KCNQ5: variants seen among roughly 807,000 people sequenced by gnomAD.
KCNQ5 encodes the protein potassium voltage-gated channel subfamily Q member 5.
In KCNQ5, 30 loss-of-function variants were observed where a neutral mutation model predicts 98.2. The observed-to-expected ratio is 0.31, with a 90% CI of 0.23 to 0.41. KCNQ5 has a LOEUF of 0.41. KCNQ5 is among the 10% of genes least tolerant of loss of function. KCNQ5 has a pLI of 1.00. For synonymous variants in KCNQ5, 458 were observed against 449.4 expected, an observed-to-expected ratio of 1.02 and a Z score of -0.24; for missense variants, 835 against 1,182.5, an observed-to-expected ratio of 0.71 and a Z score of 4.31.
intron 1 of KCNQ5, among the ~76,000 whole-genome samples, chr6:72,749,238 T>C (rs143480304): frequency 9.7e-4 from 147 of 152,270 alleles, no homozygotes; most frequent in African/African-American, 3.3e-3. Flanking sequence ...GATATTTAGA[T>C]TGAGATTCTG....
intron 1 of KCNQ5, among the ~76,000 whole-genome samples, chr6:72,996,621 G>A (rs957794615): frequency 4.6e-5 from 7 of 152,210 alleles, no homozygotes; most frequent in African/African-American, 1.4e-4. Context: ...GCATATACTT[G>A]AGACAGTCTT....
chr6:72,748,481 T>C (rs1163088675), intron 1 of KCNQ5, among the ~76,000 whole-genome samples: 1 of 152,124 alleles, frequency 6.6e-6, no homozygotes, highest in African/African-American at 2.4e-5. Context: ...CTCAAGTGAT[T>C]TGAATATACA....
chr6:73,097,142 C>CATATATATATATATATACATATAT (rs1554208514), intron 5 of KCNQ5, among the ~76,000 whole-genome samples: 3 of 121,858 alleles, frequency 2.5e-5, no homozygotes, highest in Non-Finnish European at 5.3e-5. Context: ...CAATAGATCT[C>CATATATATATATATATACATATAT]ATATATATAT....
intron 1 of KCNQ5, among the ~76,000 whole-genome samples, chr6:72,851,744 TTAAGAAATTACCTATACTTATTAATAAA>T (rs1213123198): frequency 6.6e-6 from 1 of 152,008 alleles, no homozygotes; most frequent in Non-Finnish European, 1.5e-5. Flanking sequence ...AATTAATACT[TTAAGAAATTACCTATACTTATTAATAAA>T]GTTAAGAATA....
chr6:73,154,893 A>T (rs552001785), intron 10 of KCNQ5, among the ~76,000 whole-genome samples: 1 of 151,658 alleles, frequency 6.6e-6, no homozygotes, highest in African/African-American at 2.4e-5. Flanking sequence ...TCACAAAAAC[A>T]AAACAAAAAA....
In KCNQ5 at chr6:72,801,063, G is replaced by A. The variant is rs1166676413; in HGVS notation, c.398+178476G>A. Among the ~76,000 whole-genome samples, 7 of 152,030 alleles carry A rather than the reference G, an allele frequency of 4.6e-5. No individual in the cohort carries two copies. In the East Asian group the frequency reaches 1.3e-3, roughly 29 times the overall value. ...ACTTCCAACTATGTGGTCAATTTTG[G>A]GATAGGTGTGGTGTGGTGCTGAAAA... On this transcript the variant is annotated intron_variant, in intron 1 of 13. Transcript: ENST00000370398.
chr6:73,172,226 C>T (rs1459767190), intron 11 of KCNQ5, among the ~76,000 whole-genome samples: 7 of 152,014 alleles, frequency 4.6e-5, no homozygotes, highest in African/African-American at 9.7e-5. Flanking sequence ...CTGATTCTGC[C>T]TAGTGGTTTT....
chr6:73,134,428 A>G (rs918140048), intron 10 of KCNQ5: 5 of 153,248 alleles, frequency 3.3e-5, no homozygotes, highest in African/African-American at 9.6e-5. Context: ...TAAAAACTAC[A>G]AAGGCTATCA....
Position 72,622,608 on chromosome 6 carries a change from C to T in KCNQ5, c.398+21C>T, listed in dbSNP as rs745772532. On this transcript the variant is annotated intron_variant, in intron 1 of 13. Transcript: ENST00000370398. The surrounding 1 kb of genome is among the most constrained non-coding windows in gnomAD (Gnocchi z 6.0). ...TTCGTGTGAGTACCCGCGCCCCCTG[C>T]TATGCCCGCTGCAGGGGACCACTGT... 6.2e-7 allele frequency: 1 copy of T among 1,610,806 alleles called. No individual in the cohort carries two copies. Among genetic ancestry groups the T allele is most frequent in the East Asian group, 2.2e-5 (1 of 44,664 alleles).
At chr6:72,919,524 A>T (rs1780299893) in intron 1 of KCNQ5, among the ~76,000 whole-genome samples, 1 of 152,204 alleles carries the variant, frequency 6.6e-6, no homozygotes, top group South Asian at 2.1e-4. Flanking sequence ...TATTTTTCAG[A>T]TGAGGAAACA....
intron 3 of KCNQ5, among the ~76,000 whole-genome samples, chr6:73,068,788 T>C (rs1215763549): frequency 6.6e-6 from 1 of 152,182 alleles, no homozygotes; most frequent in Non-Finnish European, 1.5e-5. Flanking sequence ...GTGTTAGGTA[T>C]GAGCTGGGAG....
At chr6:73,084,216 G>A (rs1582322657) in intron 5 of KCNQ5, among the ~76,000 whole-genome samples, 2 of 152,134 alleles carry the variant, frequency 1.3e-5, no homozygotes, top group Admixed American at 1.3e-4. Flanking sequence ...CAAAGGGGGC[G>A]GGATGTGATG....
chr6:72,722,603 A>T (rs1770027846), intron 1 of KCNQ5, among the ~76,000 whole-genome samples: 1 of 152,172 alleles, frequency 6.6e-6, no homozygotes, highest in Admixed American at 6.5e-5. Flanking sequence ...GTGAACTGAC[A>T]TGGTGGCTGA....
At chr6:72,635,349 T>A (rs2098923428) in intron 1 of KCNQ5, among the ~76,000 whole-genome samples, 1 of 152,322 alleles carries the variant, frequency 6.6e-6, no homozygotes, top group East Asian at 1.9e-4. Context: ...AATTTCTTAA[T>A]GTAATTTCCT....
At chr6:72,846,912 T>C (rs1777045985) in intron 1 of KCNQ5, among the ~76,000 whole-genome samples, 1 of 152,220 alleles carries the variant, frequency 6.6e-6, no homozygotes, top group Admixed American at 6.5e-5. Context: ...ATGAGGATCC[T>C]ATTCATTTGG....
chr6:72,870,157 T>C (rs1778145111), intron 1 of KCNQ5, among the ~76,000 whole-genome samples: 1 of 152,230 alleles, frequency 6.6e-6, no homozygotes, highest in African/African-American at 2.4e-5. Flanking sequence ...TTACATTGTA[T>C]AATCAGATAC....
chr6:72,806,915 AC>A, intron 1 of KCNQ5: 1 of 383,078 alleles, frequency 2.6e-6, no homozygotes, highest in Non-Finnish European at 5.0e-6. Context: ...AGTTTGAAAA[AC>A]TTCTTTCTAT....
intron 1 of KCNQ5, among the ~76,000 whole-genome samples, chr6:72,714,005 G>T (rs763870126): frequency 2.6e-5 from 4 of 151,936 alleles, no homozygotes; most frequent in Admixed American, 2.6e-4. Context: ...TTTCCCCTAC[G>T]TGCAAGATAA....
intron 1 of KCNQ5, among the ~76,000 whole-genome samples, chr6:72,926,197 T>A (rs778825824): frequency 1.1e-4 from 17 of 152,180 alleles, no homozygotes; most frequent in Admixed American, 4.6e-4. Flanking sequence ...CTACCAGAGA[T>A]GGTGATAAAC....
Sources: allele counts gnomAD v4.1 joint callset (sites outside exome capture counted in the v4.1 genomes callset), GRCh38; gene constraint gnomAD v4.1.1; non-coding constraint Gnocchi (gnomAD v3.1); transcripts MANE v1.5; gene names NCBI Gene and HGNC (gene_info 2026-07-23, HGNC 2026-07-21).